PARD3B: variants seen among roughly 807,000 people sequenced by gnomAD.
The protein encoded by PARD3B is partitioning defective 3 homolog B.
A neutral mutation model predicts 130.2 loss-of-function variants in PARD3B; 103 were observed. That is an observed-to-expected ratio of 0.79 (90% CI 0.67 to 0.93). PARD3B has a LOEUF of 0.93. Ranked by LOEUF, PARD3B falls within the 40% of genes least tolerant of loss-of-function variation. The pLI is 0.00. For missense variants in PARD3B, 1,609 were observed against 1,499.2 expected (o/e 1.07, Z -1.21); for synonymous variants, 583 against 553.2 (o/e 1.05, Z -0.76).
chr2:205,553,437 A>C, intron 22 of PARD3B, 34 bp downstream of exon 22: 55 of 1,579,830 alleles, frequency 3.5e-5, no homozygotes, highest in Non-Finnish European at 4.4e-5. Context: ...TCTCCAGCTC[A>C]CCTACAAATG....
In PARD3B at chr2:205,158,752, C is replaced by T. The variant is rs1559495634; in HGVS notation, c.1465C>T (p.Leu489=). The part of the protein sequence containing the change: ...KGEPDCCALS[L]ETSEQLTFEI... ...AGAACCTGACTGCTGTGCACTCTCT[C>T]TGGAGACAAGCGAGCAGCTCACCTT... is the stretch of plus-strand genomic sequence containing the variant. Residue 489 remains leucine, a synonymous_variant, in exon 11 of 23, where the codon CTG becomes TTG. Transcript: ENST00000406610. The surrounding 1 kb of genome is among the most constrained non-coding windows in gnomAD (Gnocchi z 5.4). The T allele has an allele frequency of 6.2e-7, 1 of 1,614,152 alleles. No homozygotes were observed. The highest frequency in any genetic ancestry group is 8.5e-7 in the Non-Finnish European group (1 of 1,180,004).
At chr2:205,431,929 T>G (rs577318787) in intron 19 of PARD3B, among the ~76,000 whole-genome samples, 1 of 152,188 alleles carries the variant, frequency 6.6e-6, no homozygotes, top group African/African-American at 2.4e-5. Flanking sequence ...GCCTCTCTAA[T>G]CTCAGCTGCT....
intron 15 of PARD3B, 99 bp downstream of exon 15, chr2:205,193,419 G>A (rs2036501791): frequency 2.3e-6 from 2 of 882,424 alleles, no homozygotes; most frequent in Non-Finnish European, 3.7e-6. Flanking sequence ...AAACCTCAGG[G>A]AACAAGGTCT....
intron 18 of PARD3B, among the ~76,000 whole-genome samples, chr2:205,395,210 A>G (rs910097071): frequency 6.7e-6 from 1 of 149,076 alleles, no homozygotes; most frequent in Admixed American, 6.6e-5. Context: ...TTGTACAGAC[A>G]CTTATACTTA....
chr2:205,169,327 G>A (rs968318583), intron 11 of PARD3B, among the ~76,000 whole-genome samples: 5 of 152,110 alleles, frequency 3.3e-5, no homozygotes, highest in African/African-American at 1.2e-4. Context: ...GACCTGAACT[G>A]TCTTTTTGTT....
At chr2:204,823,632 G>T (rs1477579848) in intron 2 of PARD3B, among the ~76,000 whole-genome samples, 1 of 152,020 alleles carries the variant, frequency 6.6e-6, no homozygotes, top group Non-Finnish European at 1.5e-5. Flanking sequence ...ATTAATATCA[G>T]AAAAATATAG....
chr2:205,614,640 A>G lies in PARD3B; in HGVS notation c.3261-816A>G, dbSNP rs556677425. On this transcript the variant is annotated intron_variant, in intron 22 of 22. Coordinates refer to ENST00000406610, the MANE Select transcript of PARD3B (RefSeq NM_001302769.2). ...AGAATCGCTTGAACCCAGGAGGCAGAGGTTGCAGTGAGCTGAGATCGCACC... is the reference window on the plus strand; with the variant it reads ...AGAATCGCTTGAACCCAGGAGGCAGGGGTTGCAGTGAGCTGAGATCGCACC... 2.1e-4 allele frequency among the ~76,000 whole-genome samples: 32 copies of G among 151,790 alleles called. No homozygotes were observed. In the South Asian group the frequency reaches 6.7e-3, roughly 32 times the overall value.
At chr2:205,071,654 G>GTACC (rs1441680423) in intron 4 of PARD3B, among the ~76,000 whole-genome samples, 3 of 152,046 alleles carry the variant, frequency 2.0e-5, no homozygotes, top group Non-Finnish European at 2.9e-5. Flanking sequence ...AACAAAAGAT[G>GTACC]TACCATCAAA....
chr2:204,721,932 T>C (rs2039015288), intron 2 of PARD3B, among the ~76,000 whole-genome samples: 1 of 152,268 alleles, frequency 6.6e-6, no homozygotes, highest in African/African-American at 2.4e-5. Flanking sequence ...TACCTCTGCA[T>C]GCAGAGGCAC....
At chr2:204,726,595 A>G (rs1044414284) in intron 2 of PARD3B, among the ~76,000 whole-genome samples, 4 of 152,146 alleles carry the variant, frequency 2.6e-5, no homozygotes, top group Non-Finnish European at 4.4e-5. Context: ...TAGCTGCCTT[A>G]CAGAACAAAA....
intron 2 of PARD3B, among the ~76,000 whole-genome samples, chr2:204,867,604 T>C (rs2045475807): frequency 6.6e-6 from 1 of 152,224 alleles, no homozygotes; most frequent in African/African-American, 2.4e-5. Context: ...CATTGTTCCA[T>C]GTGCTTTGTG....
At chr2:205,255,798 G>A (rs1300505238) in intron 16 of PARD3B, among the ~76,000 whole-genome samples, 2 of 152,164 alleles carry the variant, frequency 1.3e-5, no homozygotes, top group African/African-American at 4.8e-5. Context: ...CTCTCTCCAG[G>A]CATCTCCGTG....
intron 2 of PARD3B, among the ~76,000 whole-genome samples, chr2:204,704,148 G>T (rs1043992922): frequency 6.6e-6 from 1 of 152,096 alleles, no homozygotes; most frequent in Non-Finnish European, 1.5e-5. Context: ...GTGGCATTAA[G>T]TGCATTCACA....
chr2:205,600,043 T>A (rs1458422944), intron 22 of PARD3B, among the ~76,000 whole-genome samples: 1 of 152,194 alleles, frequency 6.6e-6, no homozygotes, highest in African/African-American at 2.4e-5. Flanking sequence ...GCTACAGTTC[T>A]GCACTGCTGA....
At chr2:205,519,132 G>A (rs1248716518) in intron 21 of PARD3B, among the ~76,000 whole-genome samples, 1 of 152,188 alleles carries the variant, frequency 6.6e-6, no homozygotes, top group East Asian at 1.9e-4. Flanking sequence ...CCGTTGGCCT[G>A]TCTAGCAAGG....
intron 2 of PARD3B, among the ~76,000 whole-genome samples, chr2:204,845,683 C>A (rs757575658): frequency 6.6e-6 from 1 of 152,048 alleles, no homozygotes; most frequent in African/African-American, 2.4e-5. Flanking sequence ...GAGACCCCAA[C>A]CTCTACATAG....
chr2:204,996,731 A>G lies in PARD3B; in HGVS notation c.394+31408A>G, dbSNP rs1276110706. 1.2e-3 allele frequency among the ~76,000 whole-genome samples: 185 copies of G among 148,974 alleles called. 1 individual carries two copies. Among genetic ancestry groups the G allele is most frequent in the African/African-American group, 4.3e-3 (174 of 40,500 alleles). ...CAGACTGCTGTGCTAGCAATCAGCG[A>G]GATTCCGTGGGCGTAGGACCCTCCG... On this transcript the variant is annotated intron_variant, in intron 3 of 22. Coordinates refer to ENST00000406610, the MANE Select transcript of PARD3B (RefSeq NM_001302769.2).
At chr2:204,924,266 G>A (rs984696125) in intron 2 of PARD3B, among the ~76,000 whole-genome samples, 5 of 151,928 alleles carry the variant, frequency 3.3e-5, no homozygotes, top group Non-Finnish European at 5.9e-5. Context: ...GCTTTCACTG[G>A]GAGAAGATAC....
At chr2:204,717,884 G>T (rs577942144) in intron 2 of PARD3B, among the ~76,000 whole-genome samples, 1 of 152,146 alleles carries the variant, frequency 6.6e-6, no homozygotes. Flanking sequence ...CAATAGGTTC[G>T]TTCTCAGTTT....
Sources: gnomAD v4.1 joint callset for allele counts (sites outside exome capture counted in the v4.1 genomes callset) on GRCh38, gnomAD v4.1.1 for gene constraint, Gnocchi (gnomAD v3.1) non-coding constraint, MANE v1.5 for transcripts, NCBI Gene and HGNC (gene_info 2026-07-23, HGNC 2026-07-21) for gene names.